The following PIK3C3 variants were observed in gnomAD, a reference collection of about 807,000 sequenced individuals.
PIK3C3 encodes the protein PI3-kinase type 3.
A neutral mutation model predicts 126.1 loss-of-function variants in PIK3C3; 95 were observed. That is an observed-to-expected ratio of 0.75 (90% confidence interval 0.64 to 0.89). The LOEUF (loss-of-function observed/expected upper bound fraction) is 0.89. Ranked by LOEUF, PIK3C3 falls within the 40% of genes least tolerant of loss-of-function variation. The probability of loss-of-function intolerance (pLI) is 0.00; values close to 1 mark genes in which losing one functional copy is unlikely to be tolerated. For missense variants in PIK3C3, 829 were observed against 1,063.2 expected (o/e 0.78, Z 3.06); for synonymous variants, 374 against 360.0 (o/e 1.04, Z -0.44).
intron 10 of PIK3C3, among the ~76,000 whole-genome samples, chr18:42,004,778 G>A (rs1982463379): frequency 6.6e-6 from 1 of 152,168 alleles, no homozygotes. Flanking sequence ...TGGTAGGACA[G>A]TCTCTCCCAG....
rs144858686 is a variant in PIK3C3 at position 41,995,703 on chromosome 18, C to T, written c.787-187C>T. ...ATTATGGGACTAGTGGAGTTTAAGG[C>T]ATACTTAGTTTCCCAGTCTTGAGAA... On this transcript the variant is annotated intron_variant, in intron 7 of 24. Transcript: ENST00000262039. Among the ~76,000 whole-genome samples the T allele has an allele frequency of 3.3e-3, 498 of 152,200 alleles. 2 individuals carry two copies. Among genetic ancestry groups the T allele is most frequent in the African/African-American group, 0.011 (470 of 41,534 alleles).
At chr18:42,059,111 A>G (rs1046440120) in intron 22 of PIK3C3, among the ~76,000 whole-genome samples, 4 of 152,222 alleles carry the variant, frequency 2.6e-5, no homozygotes, top group Non-Finnish European at 4.4e-5. Flanking sequence ...GTGTGAGGCC[A>G]TGTTCCCAGT....
rs893280651 is a variant in PIK3C3 at position 42,058,048 on chromosome 18, G to A, written c.2429G>A (p.Arg810Gln). 10 of 1,577,774 alleles carry A rather than the reference G, an allele frequency of 6.3e-6. No homozygotes were observed. Among genetic ancestry groups the A allele is most frequent in the South Asian group, 1.2e-5 (1 of 84,344 alleles). ...TGTTACACGGCTTTCCTCCACCTGC[G>A]AAGGTAAGTTGATTTGCTTGGCACA... ...KQCYTAFLHL[R>Q]RYSNLILNLF... The change falls in exon 22 of 25, where the codon CGA (arginine) becomes CAA (glutamine). Residue 810 changes from arginine (R) to glutamine (Q), a missense_variant. Coordinates refer to ENST00000262039, the MANE Select transcript of PIK3C3 (RefSeq NM_002647.4).
intron 23 of PIK3C3, among the ~76,000 whole-genome samples, chr18:42,066,605 G>C (rs903965020): frequency 2.0e-5 from 3 of 152,112 alleles, no homozygotes; most frequent in Non-Finnish European, 2.9e-5. Flanking sequence ...ATTATCTACT[G>C]TATGTTTGCG....
intron 9 of PIK3C3, among the ~76,000 whole-genome samples, chr18:41,997,658 T>C (rs1424877620): frequency 1.3e-5 from 2 of 152,098 alleles, no homozygotes; most frequent in Non-Finnish European, 2.9e-5. Context: ...ACAGATACTA[T>C]GTACCAGGAA....
chr18:42,015,645 A>G (rs567636305), intron 12 of PIK3C3, 79 bp downstream of exon 12: 1 of 925,210 alleles, frequency 1.1e-6, no homozygotes. Context: ...TAAAACCTCA[A>G]TTTTGATTAA....
At chr18:42,022,138 C>T (rs971187667) in intron 13 of PIK3C3, among the ~76,000 whole-genome samples, 10 of 152,076 alleles carry the variant, frequency 6.6e-5, no homozygotes, top group African/African-American at 2.4e-4. Flanking sequence ...CACTCTTTTT[C>T]CTTTTTTCTT....
intron 4 of PIK3C3, chr18:41,970,664 A>G: frequency 1.6e-6 from 1 of 616,514 alleles, no homozygotes; most frequent in Non-Finnish European, 2.9e-6. Context: ...ACAGACTTGT[A>G]TAATCATCAC....
intron 22 of PIK3C3, 48 bp downstream of exon 22, chr18:42,058,099 T>A (rs750617128): frequency 1.4e-6 from 2 of 1,469,552 alleles, no homozygotes; most frequent in Non-Finnish European, 1.8e-6. Context: ...TTTATTTTAT[T>A]TTATAGAACA....
chr18:42,014,109 A>G (rs1982956671), intron 11 of PIK3C3, among the ~76,000 whole-genome samples: 1 of 150,966 alleles, frequency 6.6e-6, no homozygotes, highest in African/African-American at 2.4e-5. Flanking sequence ...GTTCAAAACC[A>G]GCCTGGCCAA....
chr18:41,957,497 G>T, intron 1 of PIK3C3, 73 bp from the exon 2 acceptor site: 1 of 1,424,314 alleles, frequency 7.0e-7, no homozygotes, highest in Non-Finnish European at 9.6e-7. Context: ...ATATGTACAT[G>T]CTTAGTACTT....
chr18:42,016,298 A>C (rs1598898622), intron 12 of PIK3C3, among the ~76,000 whole-genome samples: 1 of 152,178 alleles, frequency 6.6e-6, no homozygotes, highest in African/African-American at 2.4e-5. Context: ...GTATAACAAA[A>C]TATTCAACTG....
At chr18:42,043,907 G>A (rs1984441224) in intron 20 of PIK3C3, 90 bp downstream of exon 20, 2 of 811,522 alleles carry the variant, frequency 2.5e-6, no homozygotes, top group Admixed American at 2.2e-5. Context: ...TTTAGAACAT[G>A]TTAATATTTA....
At chr18:42,041,129 C>T (rs1984297139) in intron 19 of PIK3C3, among the ~76,000 whole-genome samples, 1 of 151,890 alleles carries the variant, frequency 6.6e-6, no homozygotes, top group Non-Finnish European at 1.5e-5. Context: ...CTGCAGTGAG[C>T]TGAGATCACA....
intron 4 of PIK3C3, among the ~76,000 whole-genome samples, chr18:41,982,230 T>C (rs983563150): frequency 6.6e-6 from 1 of 152,028 alleles, no homozygotes; most frequent in African/African-American, 2.4e-5. Flanking sequence ...AGATGGGAGG[T>C]AATTGACAAA....
chr18:42,043,462 GTTTGTTT>G (rs1984418856), intron 19 of PIK3C3, among the ~76,000 whole-genome samples: 1 of 152,018 alleles, frequency 6.6e-6, no homozygotes, highest in African/African-American at 2.4e-5. Context: ...TTGTTTGTTT[GTTTGTTT>G]TTTGTTTTGC....
intron 19 of PIK3C3, among the ~76,000 whole-genome samples, chr18:42,042,216 C>T (rs887108429): frequency 1.8e-4 from 27 of 152,258 alleles, no homozygotes; most frequent in African/African-American, 6.3e-4. Context: ...AACATTACAC[C>T]CATGTTACTG....
intron 3 of PIK3C3, among the ~76,000 whole-genome samples, chr18:41,968,994 T>A (rs1259895194): frequency 4.6e-5 from 7 of 151,850 alleles, no homozygotes; most frequent in Non-Finnish European, 8.8e-5. Flanking sequence ...TTTTTTTTTT[T>A]ATTTTTTAGA....
intron 24 of PIK3C3, among the ~76,000 whole-genome samples, chr18:42,077,176 T>A (rs1017563571): frequency 1.3e-5 from 2 of 152,218 alleles, no homozygotes; most frequent in Non-Finnish European, 2.9e-5. Flanking sequence ...AAAAAATGCT[T>A]AACAATCATC....
Sources: allele counts gnomAD v4.1 joint callset (sites outside exome capture counted in the v4.1 genomes callset), GRCh38; gene constraint gnomAD v4.1.1; transcripts MANE v1.5; gene names NCBI Gene and HGNC (gene_info 2026-07-23, HGNC 2026-07-21).